The following MED13L variants were observed in gnomAD, a reference collection of about 807,000 sequenced individuals.
MED13L encodes mediator of RNA polymerase II transcription subunit 13-like.
MED13L carries 7 observed loss-of-function variants against 220.9 expected under a neutral mutation model. The ratio of observed to expected loss-of-function variants is 0.03; its 90% confidence interval spans 0.02 to 0.06. MED13L has a LOEUF of 0.06. MED13L is among the 10% of genes least tolerant of loss of function. The probability of loss-of-function intolerance (pLI) is 1.00; values close to 1 mark genes in which losing one functional copy is unlikely to be tolerated. For missense variants in MED13L, 1,965 were observed against 2,760.5 expected (o/e 0.71, Z 6.46); for synonymous variants, 1,011 against 1,015.2 (o/e 1.00, Z 0.08).
At position 115,972,134 on chromosome 12, in the gene MED13L, A is replaced by G; in HGVS notation, c.5834T>C (p.Ile1945Thr). 1 of 1,614,058 alleles carries G rather than the reference A, an allele frequency of 6.2e-7. No individual in the cohort carries two copies. The highest frequency in any genetic ancestry group is 8.5e-7 in the Non-Finnish European group (1 of 1,179,934). The part of the protein sequence containing the change: ...CGISAADSPS[I>T]LSACLVAMEP... ...CATGGCAACCAGGCAGGCACTAAGGATAGAAGGAGAGTCTGCGGCAGAGAT... is the reference window on the plus strand; with the variant it reads ...CATGGCAACCAGGCAGGCACTAAGGGTAGAAGGAGAGTCTGCGGCAGAGAT... Residue 1945 changes from isoleucine to threonine, a missense_variant, in exon 26 of 31, where the codon ATC (isoleucine) becomes ACC (threonine). Physicochemically the swap from Ile to Thr is moderately conservative, Grantham distance 89. This residue lies in a region of MED13L where 23 missense variants were observed against 20.4 expected (regional missense o/e 1.12). Coordinates refer to ENST00000281928, the MANE Select transcript of MED13L (RefSeq NM_015335.5).
intron 4 of MED13L, among the ~76,000 whole-genome samples, chr12:116,064,008 C>T (rs1483130086): frequency 1.3e-5 from 2 of 151,936 alleles, no homozygotes; most frequent in African/African-American, 4.8e-5. Context: ...TGTGGCAAAA[C>T]CCCACCTTTA....
chr12:116,138,832 T>G (rs1283771563), intron 2 of MED13L, among the ~76,000 whole-genome samples: 1 of 152,248 alleles, frequency 6.6e-6, no homozygotes, highest in Non-Finnish European at 1.5e-5. Flanking sequence ...TGTTTTAAGA[T>G]AACTAAAATC....
At position 115,963,471 on chromosome 12, in the gene MED13L, G is replaced by T; in HGVS notation, c.6436C>A (p.Pro2146Thr). Residue 2146 changes from proline to threonine, a missense_variant, in exon 30 of 31, where the codon CCT (proline) becomes ACT (threonine). Physicochemically the swap from Pro to Thr is conservative, Grantham distance 38. This residue lies in a region of MED13L where 145 missense variants were observed against 328.3 expected (regional missense o/e 0.44). Coordinates refer to ENST00000281928, the MANE Select transcript of MED13L (RefSeq NM_015335.5). ...GGAACCCGCTGAGAATTCCTGGCAG[G>T]CAGAAGTTCGTCTGTCTGTGCTACT... Reference protein sequence around the residue: ...ISVAQTDELLPARNSQRVPHP... With the variant: ...ISVAQTDELLTARNSQRVPHP... The T allele has an allele frequency of 1.2e-6, 2 of 1,614,196 alleles. No homozygotes were observed. Among genetic ancestry groups the T allele is most frequent in the Non-Finnish European group, 1.7e-6 (2 of 1,180,026 alleles).
intron 8 of MED13L, among the ~76,000 whole-genome samples, chr12:116,013,752 T>C (rs1223611158): frequency 6.6e-6 from 1 of 152,180 alleles, no homozygotes; most frequent in East Asian, 1.9e-4. Flanking sequence ...GCAATATTTT[T>C]GGATTGCTGA....
chr12:116,112,190 T>C (rs1874148039), intron 2 of MED13L, among the ~76,000 whole-genome samples: 1 of 152,220 alleles, frequency 6.6e-6, no homozygotes, highest in Admixed American at 6.5e-5. Context: ...CATGCATTCC[T>C]AAAATTCCTT....
At chr12:116,198,734 A>T (rs1881812676) in intron 2 of MED13L, among the ~76,000 whole-genome samples, 1 of 30,586 alleles carries the variant, frequency 3.3e-5, no homozygotes, top group South Asian at 2.3e-3. Context: ...AAGGGATCCA[A>T]GAAATTCCTC....
chr12:116,023,219 C>T, intron 4 of MED13L, among the ~76,000 whole-genome samples: 1 of 152,086 alleles, frequency 6.6e-6, no homozygotes, highest in East Asian at 1.9e-4. Context: ...TCGCTTGAGC[C>T]CAAGGGTTCG....
At chr12:116,044,629 C>T (rs1016483453) in intron 4 of MED13L, among the ~76,000 whole-genome samples, 2 of 152,198 alleles carry the variant, frequency 1.3e-5, no homozygotes, top group Non-Finnish European at 2.9e-5. Context: ...GCTGAGACAA[C>T]ATTTGAGAAT....
At chr12:116,240,020 A>C (rs1054435793) in intron 1 of MED13L, among the ~76,000 whole-genome samples, 24 of 152,234 alleles carry the variant, frequency 1.6e-4, no homozygotes, top group African/African-American at 5.5e-4. Context: ...CAAAAACTGT[A>C]AATGATATTT....
At chr12:116,202,244 T>C (rs1882047508) in intron 2 of MED13L, among the ~76,000 whole-genome samples, 1 of 152,234 alleles carries the variant, frequency 6.6e-6, no homozygotes, top group South Asian at 2.1e-4. Context: ...AGAAGCATTA[T>C]TATGGCTCTG....
At chr12:116,009,309 A>G (rs1406405386) in intron 9 of MED13L, among the ~76,000 whole-genome samples, 177 bp from the exon 10 acceptor site, 1 of 152,232 alleles carries the variant, frequency 6.6e-6, no homozygotes, top group Admixed American at 6.5e-5. Flanking sequence ...ATGAAGAATC[A>G]ATCACATACA....
chr12:116,176,876 CAAAAAAAAAA>C (rs11285058), intron 2 of MED13L, among the ~76,000 whole-genome samples: 3 of 74,230 alleles, frequency 4.0e-5, no homozygotes, highest in South Asian at 4.6e-4. Context: ...AGAACTCAGC[CAAAAAAAAAA>C]AAAAAAAAAA....
Position 115,987,105 on chromosome 12 carries a change from C to T in MED13L, c.4114+4G>A. 6.2e-7 allele frequency: 1 copy of T among 1,614,056 alleles called. No homozygotes were observed. The highest frequency in any genetic ancestry group is 8.5e-7 in the Non-Finnish European group (1 of 1,179,932). ...AGGAATTTTAAACAGGACAAAGACC[C>T]TACCGTAGGTTCCCCGTCCTGCCAT... On this transcript the variant is annotated splice_donor_region_variant and intron_variant, in intron 18 of 30. Transcript: ENST00000281928.
At chr12:116,233,921 T>C (rs1397103024) in intron 2 of MED13L, among the ~76,000 whole-genome samples, 1 of 152,216 alleles carries the variant, frequency 6.6e-6, no homozygotes, top group African/African-American at 2.4e-5. Context: ...TTCAGAGATA[T>C]GTCAAGCAAT....
chr12:115,982,992 G>C, intron 21 of MED13L, 125 bp downstream of exon 21: 1 of 1,059,176 alleles, frequency 9.4e-7, no homozygotes, highest in Middle Eastern at 3.0e-4. Flanking sequence ...CCTTTCTTTT[G>C]AGAAGAGAAA....
intron 1 of MED13L, among the ~76,000 whole-genome samples, chr12:116,270,817 C>T (rs1241763266): frequency 6.7e-5 from 10 of 150,242 alleles, no homozygotes; most frequent in Non-Finnish European, 1.0e-4. Flanking sequence ...CCGAGGCGGG[C>T]GGATCACAAG....
intron 2 of MED13L, among the ~76,000 whole-genome samples, chr12:116,118,735 C>G (rs1248309659): frequency 1.3e-5 from 2 of 152,090 alleles, no homozygotes; most frequent in African/African-American, 2.4e-5. Flanking sequence ...AATCTAATAA[C>G]AGATAATTTG....
At chr12:116,179,656 A>C (rs7312394) in intron 2 of MED13L, among the ~76,000 whole-genome samples, 2 of 151,758 alleles carry the variant, frequency 1.3e-5, no homozygotes. Flanking sequence ...GTGTCAGATA[A>C]TGGGGACATT....
intron 2 of MED13L, among the ~76,000 whole-genome samples, chr12:116,129,478 G>A (rs1875876493): frequency 6.6e-6 from 1 of 152,120 alleles, no homozygotes; most frequent in Non-Finnish European, 1.5e-5. Context: ...TGCCCCTTTG[G>A]AGGTGAACGT....
Sources: gnomAD v4.1 joint callset for allele counts (sites outside exome capture counted in the v4.1 genomes callset) on GRCh38, gnomAD v4.1.1 for gene constraint, gnomAD v4.1.1 regional missense constraint, MANE v1.5 for transcripts, NCBI Gene and HGNC (gene_info 2026-07-23, HGNC 2026-07-21) for gene names.